The following SGPL1 variants were observed in gnomAD, a reference collection of about 807,000 sequenced individuals.
SGPL1 encodes the protein SP-lyase 1.
Under a neutral mutation model 68.9 loss-of-function variants are expected in SGPL1, and 37 were observed. That is an observed-to-expected ratio of 0.54 (90% CI 0.41 to 0.71). The LOEUF (loss-of-function observed/expected upper bound fraction) is 0.71, where lower values mean the gene tolerates loss of function less well. SGPL1 is among the 30% of genes least tolerant of loss of function. The pLI, the probability that SGPL1 is intolerant of heterozygous loss-of-function variation, is 0.00. For missense variants in SGPL1, 551 were observed against 704.6 expected, an observed-to-expected ratio of 0.78 and a Z score of 2.47; for synonymous variants, 236 against 248.5, an observed-to-expected ratio of 0.95 and a Z score of 0.47.
chr10:70,844,394 A>G, intron 2 of SGPL1, 79 bp from the exon 3 acceptor site: 2 of 1,301,392 alleles, frequency 1.5e-6, no homozygotes, highest in Non-Finnish European at 2.1e-6. Context: ...TTGAAAAATG[A>G]GAGTTGAAGT....
At chr10:70,860,738 T>C (rs1846038795) in intron 7 of SGPL1, among the ~76,000 whole-genome samples, 1 of 152,224 alleles carries the variant, frequency 6.6e-6, no homozygotes, top group South Asian at 2.1e-4. Flanking sequence ...GAAATTCTGC[T>C]ACTAGGACAT....
At chr10:70,852,971 C>T (rs965035775) in intron 4 of SGPL1, among the ~76,000 whole-genome samples, 20 of 152,164 alleles carry the variant, frequency 1.3e-4, no homozygotes, top group African/African-American at 4.3e-4. Flanking sequence ...TAACGTAATA[C>T]AGGCTTTGAG....
At position 70,871,823 on chromosome 10, in the gene SGPL1, T is replaced by C; in HGVS notation, c.910-14T>C. 1.2e-6 allele frequency: 2 copies of C among 1,611,388 alleles called. No homozygotes were observed. Among genetic ancestry groups the C allele is most frequent in the Non-Finnish European group, 1.7e-6 (2 of 1,178,858 alleles). On this transcript the variant is annotated splice_polypyrimidine_tract_variant and intron_variant, in intron 10 of 14. Transcript: ENST00000373202. ...AAAGGAAATTCTCTTATGTTCTTTG[T>C]TTTTTGGAACAAGCTGGCTGTCAAA...
At chr10:70,862,483 G>A (rs576702258) in intron 7 of SGPL1, among the ~76,000 whole-genome samples, 2 of 152,150 alleles carry the variant, frequency 1.3e-5, no homozygotes, top group Non-Finnish European at 2.9e-5. Flanking sequence ...GGCTGCCAGA[G>A]CAAGCAGTGG....
chr10:70,871,204 A>G (rs1846289725), intron 10 of SGPL1, 58 bp downstream of exon 10: 2 of 1,178,460 alleles, frequency 1.7e-6, no homozygotes, highest in Admixed American at 2.1e-5. Flanking sequence ...AACAAAGCCT[A>G]ATGGGGCAGT....
chr10:70,824,964 T>TGC (rs1269838513), intron 2 of SGPL1, among the ~76,000 whole-genome samples: 2 of 78,708 alleles, frequency 2.5e-5, no homozygotes, highest in Non-Finnish European at 4.6e-5. Context: ...ACGTTGTTTT[T>TGC]TCTCTTTTTT....
intron 2 of SGPL1, among the ~76,000 whole-genome samples, chr10:70,817,749 C>T (rs759748342): frequency 4.6e-5 from 7 of 152,160 alleles, no homozygotes; most frequent in Non-Finnish European, 8.8e-5. Flanking sequence ...TATGGTTCCT[C>T]GACAGGCAGA....
At chr10:70,849,637 G>A (rs553547633) in intron 3 of SGPL1, among the ~76,000 whole-genome samples, 1 of 152,324 alleles carries the variant, frequency 6.6e-6, no homozygotes, top group Admixed American at 6.5e-5. Context: ...GAGATGCAAG[G>A]CATGATGTGA....
Position 70,848,876 on chromosome 10 carries a change from C to T in SGPL1, c.194-2267C>T, listed in dbSNP as rs142044249. On this transcript the variant is annotated intron_variant, in intron 3 of 14. Transcript: ENST00000373202. ...CATGATCTCTTGAACTTATTGCTTCCGTCTAACTGGAATTTTCTATCCTTT... is the reference window on the plus strand; with the variant it reads ...CATGATCTCTTGAACTTATTGCTTCTGTCTAACTGGAATTTTCTATCCTTT... 4.2e-3 allele frequency among the ~76,000 whole-genome samples: 637 copies of T among 152,284 alleles called. 2 individuals carry two copies. Among genetic ancestry groups the T allele is most frequent in the African/African-American group, 0.012 (491 of 41,552 alleles).
chr10:70,858,081 C>T (rs963459591), intron 6 of SGPL1, among the ~76,000 whole-genome samples: 1 of 152,128 alleles, frequency 6.6e-6, no homozygotes, highest in Non-Finnish European at 1.5e-5. Context: ...CTCATGTATA[C>T]TTCAAATAAT....
chr10:70,865,318 C>G (rs748324193), intron 7 of SGPL1, among the ~76,000 whole-genome samples: 6 of 139,590 alleles, frequency 4.3e-5, no homozygotes, highest in Non-Finnish European at 9.5e-5. Flanking sequence ...TCTCCCTGCA[C>G]TCACCCTTTT....
chr10:70,833,710 C>T (rs1288144829), intron 2 of SGPL1, among the ~76,000 whole-genome samples: 6 of 152,032 alleles, frequency 3.9e-5, no homozygotes, highest in African/African-American at 1.5e-4. Flanking sequence ...AACTGAGTCT[C>T]TTCTGTATTT....
At chr10:70,871,203 T>C (rs927842648) in intron 10 of SGPL1, 57 bp downstream of exon 10, 40 of 1,186,986 alleles carry the variant, frequency 3.4e-5, no homozygotes, top group Non-Finnish European at 4.8e-5. Context: ...AAACAAAGCC[T>C]AATGGGGCAG....
intron 3 of SGPL1, among the ~76,000 whole-genome samples, chr10:70,850,223 C>T (rs1454030550): frequency 6.6e-6 from 1 of 152,092 alleles, no homozygotes; most frequent in Non-Finnish European, 1.5e-5. Context: ...CTGTGTTGCC[C>T]AGGCTGGTCT....
At position 70,876,596 on chromosome 10, in the gene SGPL1, C is replaced by G; in HGVS notation, c.1501C>G (p.Leu501Val). ...HARKRVAIQFLKDIRESVTQI... is the reference protein window; with the variant it reads ...HARKRVAIQFVKDIRESVTQI... ...CCGGAAACGAGTAGCTATACAATTC[C>G]TAAAGGACATTCGAGAATCTGTCAC... Residue 501 changes from leucine (L) to valine (V), a missense_variant, in exon 14 of 15, where the codon CTA becomes GTA. Leu to Val is a conservative substitution (Grantham distance 32). Coordinates refer to ENST00000373202, the MANE Select transcript of SGPL1 (RefSeq NM_003901.4). The G allele has an allele frequency of 6.2e-7, 1 of 1,613,128 alleles. No individual in the cohort carries two copies. The highest frequency in any genetic ancestry group is 1.1e-5 in the South Asian group (1 of 91,040).
rs771679868 is a variant in SGPL1 at position 70,880,458 on chromosome 10, A to G, written c.*3123A>G. ...TTCTGCTTACAGTTTGCTGCTTACA[A>G]TAACTTAATGATGGATTGAGTTATC... On this transcript the variant is annotated 3_prime_UTR_variant, in exon 15 of 15. Transcript: ENST00000373202. The G allele has an allele frequency of 3.9e-5, 6 of 152,120 alleles. No homozygotes were observed. The highest frequency in any genetic ancestry group is 6.5e-5 in the Admixed American group (1 of 15,280). 9.4% of individuals were successfully genotyped at this position (152,120 alleles called of 1,614,324 possible). A position where few individuals can be genotyped will look rare whatever the true frequency, so the allele number is the denominator to read the frequency against.
intron 2 of SGPL1, among the ~76,000 whole-genome samples, chr10:70,835,220 G>A (rs1845605446): frequency 6.6e-6 from 1 of 152,206 alleles, no homozygotes; most frequent in South Asian, 2.1e-4. Context: ...CAGTGTAGGA[G>A]ATAGAAGACT....
intron 2 of SGPL1, among the ~76,000 whole-genome samples, chr10:70,833,073 C>G (rs1405484190): frequency 6.6e-6 from 1 of 152,196 alleles, no homozygotes; most frequent in Non-Finnish European, 1.5e-5. Flanking sequence ...CTTTTAGGAA[C>G]TTAGAAGCTG....
chr10:70,875,652 A>AGT, intron 13 of SGPL1, 104 bp downstream of exon 13: 2 of 813,246 alleles, frequency 2.5e-6, no homozygotes, highest in Non-Finnish European at 3.9e-6. Context: ...AGAGGCTAGC[A>AGT]CGTTAGTAGC....
Sources: allele counts gnomAD v4.1 joint callset (sites outside exome capture counted in the v4.1 genomes callset), GRCh38; gene constraint gnomAD v4.1.1; transcripts MANE v1.5; gene names NCBI Gene and HGNC (gene_info 2026-07-23, HGNC 2026-07-21).